Variants in ACTL8 observed in about 807,000 individuals in gnomAD.
ACTL8 encodes actin-like protein 8.
ACTL8 carries 3 observed loss-of-function variants against 9.3 expected under a neutral mutation model. The ratio of observed to expected loss-of-function variants is 0.32; its 90% CI spans 0.15 to 0.83. The LOEUF is 0.83. Among genes scored for constraint, ACTL8 ranks in the 40% least tolerant of loss-of-function variants. ACTL8 has a pLI of 0.57. For synonymous variants in ACTL8, 224 were observed against 205.9 expected (o/e 1.09, Z -0.75); for missense variants, 381 against 492.2 (o/e 0.77, Z 2.14).
intron 1 of ACTL8, among the ~76,000 whole-genome samples, chr1:17,776,478 A>G (rs1282851756): frequency 6.6e-6 from 1 of 151,996 alleles, no homozygotes; most frequent in African/African-American, 2.4e-5. Context: ...TTGCGGGGTG[A>G]GGCTCACTCG....
chr1:17,791,643 G>C (rs2066240195), intron 1 of ACTL8, among the ~76,000 whole-genome samples: 1 of 152,208 alleles, frequency 6.6e-6, no homozygotes, highest in Admixed American at 6.5e-5. Flanking sequence ...TGGTGAGGAG[G>C]CTGGCTAGAT....
At chr1:17,812,059 T>C (rs1290877932) in intron 1 of ACTL8, among the ~76,000 whole-genome samples, 2 of 152,082 alleles carry the variant, frequency 1.3e-5, no homozygotes, top group Non-Finnish European at 2.9e-5. Context: ...GGTTTCATCA[T>C]GTTGCCCAGG....
chr1:17,763,054 T>C (rs1028800677), intron 1 of ACTL8, among the ~76,000 whole-genome samples: 2 of 152,180 alleles, frequency 1.3e-5, no homozygotes, highest in African/African-American at 4.8e-5. Flanking sequence ...TCTCTTGGAC[T>C]GAGACCTTTG....
chr1:17,770,630 G>A (rs554117318), intron 1 of ACTL8, among the ~76,000 whole-genome samples: 49 of 152,168 alleles, frequency 3.2e-4, no homozygotes, highest in Non-Finnish European at 6.2e-4. Flanking sequence ...GGATCTAGGG[G>A]TCATACTGGC....
intron 1 of ACTL8, among the ~76,000 whole-genome samples, chr1:17,805,081 G>T (rs957644444): frequency 6.6e-6 from 1 of 152,026 alleles, no homozygotes; most frequent in South Asian, 2.1e-4. Context: ...GATGCCCTGC[G>T]CACCTCACTT....
intron 1 of ACTL8, among the ~76,000 whole-genome samples, chr1:17,794,408 T>C (rs370116051): frequency 5.3e-5 from 8 of 152,228 alleles, no homozygotes; most frequent in East Asian, 1.9e-4. Flanking sequence ...CATGATTGCA[T>C]TGGCTACCAG....
In ACTL8 at chr1:17,795,993, C is replaced by T. The variant is rs1021211467; in HGVS notation, c.-24-26992C>T. The stretch of plus-strand genomic sequence containing the variant: ...GCCAGGGCTGAACCCTCAGGAAGTC[C>T]CCTGGGGCCTTTAAAAGCTGAGCTA... On this transcript the variant is annotated intron_variant, in intron 1 of 2. Coordinates refer to ENST00000375406, the MANE Select transcript of ACTL8 (RefSeq NM_030812.3). 3.9e-5 allele frequency among the ~76,000 whole-genome samples: 6 copies of T among 152,280 alleles called. No homozygotes were observed. The East Asian group carries it at 5.8e-4, about 15-fold the overall frequency.
intron 1 of ACTL8, among the ~76,000 whole-genome samples, chr1:17,809,147 A>G (rs11808838): frequency 0.023 from 3,511 of 152,300 alleles, 128 homozygotes; most frequent in African/African-American, 0.077. Flanking sequence ...ACGTGGTAGA[A>G]ATGGGGAAGT....
chr1:17,812,525 G>T (rs534808858), intron 1 of ACTL8, among the ~76,000 whole-genome samples: 51 of 150,988 alleles, frequency 3.4e-4, no homozygotes, highest in African/African-American at 1.1e-3. Context: ...CGCCTCCCGG[G>T]CTCAAGCAAT....
intron 1 of ACTL8, among the ~76,000 whole-genome samples, chr1:17,781,242 T>C (rs1273263753): frequency 6.6e-6 from 1 of 150,966 alleles, no homozygotes; most frequent in South Asian, 2.1e-4. Flanking sequence ...TCTTTCTTTT[T>C]TTTTTTTTTT....
rs760122355 is a variant in ACTL8, at chr1:17,826,537, T to C, written c.*18T>C. ...GGATGTGACCCTACTGGCTCACTCC[T>C]GAGAATGGGCTCCTGTTAGATGGGC... On this transcript the variant is annotated 3_prime_UTR_variant, in exon 3 of 3. Transcript: ENST00000375406. This position sits in a 1 kb window ranked among gnomAD's most constrained non-coding sequence, Gnocchi z 4.5. The C allele has an allele frequency of 1.0e-5, 16 of 1,524,842 alleles. No individual in the cohort carries two copies. In the South Asian group the frequency reaches 2.1e-4, roughly 20 times the overall value. 94.5% of individuals were successfully genotyped at this position (1,524,842 alleles called of 1,614,324 possible). A position where few individuals can be genotyped will look rare whatever the true frequency, so the allele number is the denominator to read the frequency against.
intron 1 of ACTL8, among the ~76,000 whole-genome samples, chr1:17,819,443 G>A (rs549562979): frequency 6.6e-6 from 1 of 152,318 alleles, no homozygotes; most frequent in East Asian, 1.9e-4. Flanking sequence ...CCTGCAGCCG[G>A]TGACAGCAGG....
In ACTL8 at chr1:17,764,355, A is replaced by G. The variant is rs533633501; in HGVS notation, c.-25+8851A>G. 3.3e-5 allele frequency among the ~76,000 whole-genome samples: 5 copies of G among 152,320 alleles called. No homozygotes were observed. The East Asian group carries it at 5.8e-4, about 18-fold the overall frequency. On this transcript the variant is annotated intron_variant, in intron 1 of 2. Transcript: ENST00000375406. ...ATGCCTGGCACATAGTTGGCTCTCT[A>G]TAAAGCTTGGATGAACACCAGTGGG...
intron 1 of ACTL8, among the ~76,000 whole-genome samples, chr1:17,821,497 T>C (rs1197357307): frequency 6.6e-6 from 1 of 152,266 alleles, no homozygotes; most frequent in African/African-American, 2.4e-5. Context: ...AATTGTTCTT[T>C]GCTATTTGTT....
intron 1 of ACTL8, among the ~76,000 whole-genome samples, chr1:17,814,524 A>T (rs1024256954): frequency 6.6e-6 from 1 of 152,172 alleles, no homozygotes; most frequent in Non-Finnish European, 1.5e-5. Flanking sequence ...GCATAGCAAG[A>T]CTCCATATCT....
rs1254404972 is a variant in ACTL8 at position 17,826,051 on chromosome 1, GTGC to G, written c.635_637del (p.Cys212del). On this transcript the variant is annotated inframe_deletion, in exon 3 of 3. Transcript: ENST00000375406. The surrounding 1 kb of genome is among the most constrained non-coding windows in gnomAD (Gnocchi z 4.5). ...CAGTCGCCGTGACTCAGATGAACAA[GTGC>G]TACGTGCCGCAGAATCTGGGGGAGG... The G allele has an allele frequency of 6.2e-7, 1 of 1,606,642 alleles. No individual in the cohort carries two copies. The highest frequency in any genetic ancestry group is 8.5e-7 in the Non-Finnish European group (1 of 1,180,010).
intron 1 of ACTL8, among the ~76,000 whole-genome samples, chr1:17,810,069 A>G (rs1242660930): frequency 2.0e-5 from 3 of 152,166 alleles, no homozygotes; most frequent in African/African-American, 7.2e-5. Context: ...CTTCTCTTGA[A>G]CAAAACAACC....
intron 1 of ACTL8, among the ~76,000 whole-genome samples, chr1:17,811,021 T>C (rs2066390283): frequency 6.6e-6 from 1 of 152,210 alleles, no homozygotes; most frequent in Admixed American, 6.5e-5. Flanking sequence ...ATTACTTGTT[T>C]GTATGGTAAG....
In ACTL8 at chr1:17,825,815, C is replaced by G. The variant is rs752697516; in HGVS notation, c.397C>G (p.Leu133Val). The G allele has an allele frequency of 6.2e-7, 1 of 1,614,076 alleles. No individual in the cohort carries two copies. The highest frequency in any genetic ancestry group is 1.1e-5 in the South Asian group (1 of 91,090). The part of the protein sequence containing the change: ...HVPSVLLADQ[L>V]QMSLYASGLL... ...CCCATCGGTCCTCCTGGCCGACCAG[C>G]TGCAGATGTCCCTGTATGCCTCTGG... The change falls in exon 3 of 3, where the codon CTG becomes GTG. Residue 133 changes from leucine to valine, a missense_variant. Physicochemically the swap from Leu to Val is conservative, Grantham distance 32. Around this residue, in one of 3 missense-constraint regions of ACTL8, gnomAD observed 125 missense variants for 180.7 expected, o/e 0.69. Coordinates refer to ENST00000375406, the MANE Select transcript of ACTL8 (RefSeq NM_030812.3).
Sources: allele counts gnomAD v4.1 joint callset (sites outside exome capture counted in the v4.1 genomes callset), GRCh38; gene constraint gnomAD v4.1.1; regional missense constraint gnomAD v4.1.1; non-coding constraint Gnocchi (gnomAD v3.1); transcripts MANE v1.5; gene names NCBI Gene and HGNC (gene_info 2026-07-23, HGNC 2026-07-21).